Variants in ZC3H12B observed in about 807,000 individuals in gnomAD.
The protein encoded by ZC3H12B is probable ribonuclease ZC3H12B.
ZC3H12B carries 7 observed loss-of-function variants against 43.9 expected under a neutral mutation model. The ratio of observed to expected loss-of-function variants is 0.16; its 90% CI spans 0.09 to 0.30. The LOEUF (loss-of-function observed/expected upper bound fraction) is 0.30. Ranked by LOEUF, ZC3H12B falls within the 10% of genes least tolerant of loss-of-function variation. The pLI is 1.00. For missense variants in ZC3H12B, 475 were observed against 670.2 expected (o/e 0.71, Z 3.22); for synonymous variants, 222 against 241.7 (o/e 0.92, Z 0.76).
At chrX:65,463,357 T>A (rs997939781) in intron 3 of ZC3H12B, among the ~76,000 whole-genome samples, 7 of 112,254 alleles carry the variant, frequency 6.2e-5, no homozygotes, top group African/African-American at 1.6e-4. Context: ...TTTCACAATA[T>A]TGATTCTACC....
chrX:65,248,759 T>C, the ZC3H12B span, among the ~76,000 whole-genome samples: 1 of 112,285 alleles, frequency 8.9e-6, no homozygotes, highest in African/African-American at 3.2e-5. Context: ...TTTTGATTTT[T>C]TGATTATGGC....
chrX:65,155,772 A>T, the ZC3H12B span, among the ~76,000 whole-genome samples: 1 of 110,745 alleles, frequency 9.0e-6, no homozygotes, highest in Non-Finnish European at 1.9e-5. Context: ...ATGTGGGAAG[A>T]TCACTTCAGC....
At chrX:65,380,321 G>T (rs1355971130) in intron 2 of ZC3H12B, among the ~76,000 whole-genome samples, 1 of 111,866 alleles carries the variant, frequency 8.9e-6, no homozygotes, top group East Asian at 2.8e-4. Flanking sequence ...TTAAAGAAAA[G>T]AATTTTCAAC....
chrX:65,378,028 G>A (rs982420454), intron 2 of ZC3H12B, among the ~76,000 whole-genome samples: 1 of 110,922 alleles, frequency 9.0e-6, no homozygotes, highest in African/African-American at 3.3e-5. Context: ...GAACCTGGGG[G>A]GTGAAGCTTG....
At chrX:65,180,261 T>G in the ZC3H12B span, among the ~76,000 whole-genome samples, 2 of 112,024 alleles carry the variant, frequency 1.8e-5, no homozygotes, top group African/African-American at 6.5e-5. Context: ...AACCACATAA[T>G]TATCTCAATA....
intron 1 of ZC3H12B, among the ~76,000 whole-genome samples, chrX:65,368,120 A>G (rs1212987346): frequency 8.9e-6 from 1 of 112,391 alleles, no homozygotes; most frequent in Non-Finnish European, 1.9e-5. Flanking sequence ...TTTTAATTTT[A>G]ATGTTCTCAA....
chrX:65,289,084 A>G, the ZC3H12B span, among the ~76,000 whole-genome samples: 1 of 111,112 alleles, frequency 9.0e-6, no homozygotes, highest in African/African-American at 3.3e-5. Flanking sequence ...GATGAAAGAA[A>G]CTGAATATGA....
the ZC3H12B span, among the ~76,000 whole-genome samples, chrX:65,303,581 T>G: frequency 9.0e-6 from 1 of 111,707 alleles, no homozygotes; most frequent in Non-Finnish European, 1.9e-5. Flanking sequence ...GTACAAAACT[T>G]AATGTTGGAA....
chrX:65,435,680 AG>A (rs1327264643), intron 3 of ZC3H12B, among the ~76,000 whole-genome samples: 1 of 110,986 alleles, frequency 9.0e-6, no homozygotes, highest in Non-Finnish European at 1.9e-5. Context: ...ATAGATAGAT[AG>A]ATAGATAGAT....
chrX:65,118,548 C>A, the ZC3H12B span, among the ~76,000 whole-genome samples: 64 of 111,279 alleles, frequency 5.8e-4, no homozygotes, highest in Non-Finnish European at 3.4e-4. Context: ...ATTGAATACC[C>A]TTTATTTCTT....
intron 3 of ZC3H12B, among the ~76,000 whole-genome samples, chrX:65,475,121 T>C: frequency 8.9e-6 from 1 of 112,458 alleles, no homozygotes. Context: ...CACACACACT[T>C]TGTGTTCTTG....
At chrX:65,432,970 G>A (rs2067181022) in intron 3 of ZC3H12B, among the ~76,000 whole-genome samples, 1 of 112,297 alleles carries the variant, frequency 8.9e-6, no homozygotes, top group African/African-American at 3.2e-5. Context: ...CATAGGATTG[G>A]AGAGTTGATA....
the ZC3H12B span, among the ~76,000 whole-genome samples, chrX:65,241,421 G>A: frequency 1.1e-5 from 1 of 93,019 alleles, no homozygotes; most frequent in Non-Finnish European, 2.1e-5. Flanking sequence ...GAACTGCCTA[G>A]TTGACTGAAC....
At chrX:65,159,419 T>A in the ZC3H12B span, among the ~76,000 whole-genome samples, 1 of 111,773 alleles carries the variant, frequency 8.9e-6, no homozygotes, top group African/African-American at 3.3e-5. Context: ...GTTCTTCCAT[T>A]TGTTTGTATC....
At chrX:65,152,367 A>G in the ZC3H12B span, among the ~76,000 whole-genome samples, 7 of 111,999 alleles carry the variant, frequency 6.3e-5, no homozygotes, top group Non-Finnish European at 1.1e-4. Flanking sequence ...TTAAGCTGAT[A>G]AGCAACTTCA....
At chrX:65,152,881 A>G in the ZC3H12B span, among the ~76,000 whole-genome samples, 4 of 112,090 alleles carry the variant, frequency 3.6e-5, no homozygotes, top group Non-Finnish European at 7.5e-5. Context: ...GTACCAAAAC[A>G]GAGATATAGA....
chrX:65,176,114 G>A, the ZC3H12B span, among the ~76,000 whole-genome samples: 2 of 112,127 alleles, frequency 1.8e-5, no homozygotes, highest in African/African-American at 6.5e-5. Flanking sequence ...CACACCCACG[G>A]AGCCCAGCAA....
At chrX:65,377,470 A>G (rs2066362860) in intron 2 of ZC3H12B, among the ~76,000 whole-genome samples, 1 of 110,717 alleles carries the variant, frequency 9.0e-6, no homozygotes, top group Admixed American at 9.7e-5. Context: ...AAGGCACTTA[A>G]TAATCAAACT....
At chrX:65,143,930 C>A in the ZC3H12B span, among the ~76,000 whole-genome samples, 1 of 110,803 alleles carries the variant, frequency 9.0e-6, no homozygotes, top group Non-Finnish European at 1.9e-5. Flanking sequence ...AGGATTTTAG[C>A]ATCTATGTTC....
Sources: gnomAD v4.1 joint callset for allele counts (sites outside exome capture counted in the v4.1 genomes callset) on GRCh38, gnomAD v4.1.1 for gene constraint, MANE v1.5 for transcripts, NCBI Gene and HGNC (gene_info 2026-07-23, HGNC 2026-07-21) for gene names.